The following RBFOX1 variants were observed in gnomAD, a reference collection of about 807,000 sequenced individuals.
RBFOX1 encodes RNA binding fox-1 homolog 1, also known as RNA binding protein fox-1 homolog 1.
A neutral mutation model predicts 57.7 loss-of-function variants in RBFOX1; 8 were observed. The observed-to-expected ratio is 0.14, with a 90% CI of 0.08 to 0.25. The LOEUF is 0.25. Among genes scored for constraint, RBFOX1 ranks in the 10% least tolerant of loss-of-function variants. The pLI is 1.00. For synonymous variants in RBFOX1, 326 were observed against 222.4 expected (o/e 1.47, Z -4.15); for missense variants, 611 against 548.5 (o/e 1.11, Z -1.14).
intron 3 of RBFOX1, among the ~76,000 whole-genome samples, chr16:6,734,458 G>A (rs76899167): frequency 1.3e-5 from 2 of 152,190 alleles, no homozygotes; most frequent in Non-Finnish European, 2.9e-5. Context: ...TCATGATAAA[G>A]GTCATGGTAT....
intron 4 of RBFOX1, among the ~76,000 whole-genome samples, chr16:7,225,999 G>C (rs1034043025): frequency 2.0e-5 from 3 of 151,642 alleles, no homozygotes; most frequent in African/African-American, 7.3e-5. Flanking sequence ...TCTAAGGAAT[G>C]GGCCTTGCTG....
chr16:5,366,746 A>G (rs1165206357), intron 1 of RBFOX1: 1 of 325,788 alleles, frequency 3.1e-6, no homozygotes, highest in East Asian at 7.4e-5. Context: ...TTCCTGTAAC[A>G]GGTGATATCT....
chr16:6,614,545 C>T lies in RBFOX1; in HGVS notation c.-63-40058C>T, dbSNP rs560880345. Reference sequence around the variant, plus strand: ...CTGTAACTGAGTATCACAGACTGGACGACTTAGAACATCAGAAATGTCTTC... The same window carrying T: ...CTGTAACTGAGTATCACAGACTGGATGACTTAGAACATCAGAAATGTCTTC... On this transcript the variant is annotated intron_variant, in intron 2 of 15. Coordinates refer to ENST00000550418, the MANE Select transcript of RBFOX1 (RefSeq NM_018723.4). 4.6e-5 allele frequency among the ~76,000 whole-genome samples: 7 copies of T among 152,224 alleles called. No individual in the cohort carries two copies. In the South Asian group the frequency reaches 8.3e-4, roughly 18 times the overall value.
chr16:5,480,885 T>G (rs992795004), intron 2 of RBFOX1, among the ~76,000 whole-genome samples: 2 of 152,254 alleles, frequency 1.3e-5, no homozygotes, highest in African/African-American at 4.8e-5. Context: ...AAGCAATATT[T>G]CACTGAAACG....
At chr16:7,599,419 C>G (rs1056324745) in intron 9 of RBFOX1, among the ~76,000 whole-genome samples, 2 of 151,706 alleles carry the variant, frequency 1.3e-5, no homozygotes, top group Non-Finnish European at 2.9e-5. Flanking sequence ...AGTTATTGAT[C>G]AATTTTATGA....
At chr16:7,055,955 A>G (rs1024126625) in intron 4 of RBFOX1, among the ~76,000 whole-genome samples, 1 of 152,196 alleles carries the variant, frequency 6.6e-6, no homozygotes, top group African/African-American at 2.4e-5. Context: ...TTTCTCTGCC[A>G]ACATTGAATC....
At chr16:5,826,034 G>C (rs9673447) in intron 3 of RBFOX1, among the ~76,000 whole-genome samples, 2 of 4,348 alleles carry the variant, frequency 4.6e-4, no homozygotes, top group Admixed American at 3.0e-3. Context: ...ATAATATTCC[G>C]TAATATGAAT....
At chr16:7,449,109 A>T (rs763601107) in intron 4 of RBFOX1, among the ~76,000 whole-genome samples, 3 of 151,828 alleles carry the variant, frequency 2.0e-5, no homozygotes, top group Non-Finnish European at 4.4e-5. Flanking sequence ...TTGTATTTTT[A>T]GTAGAGACGG....
chr16:7,080,038 A>G (rs2058922464), intron 4 of RBFOX1, among the ~76,000 whole-genome samples: 1 of 74,862 alleles, frequency 1.3e-5, no homozygotes, highest in African/African-American at 3.3e-5. Flanking sequence ...ATATGTATAT[A>G]GATGTATATA....
intron 1 of RBFOX1, among the ~76,000 whole-genome samples, chr16:6,152,960 GT>G (rs1281459170): frequency 6.6e-6 from 1 of 151,664 alleles, no homozygotes. Flanking sequence ...TGCAATGTAG[GT>G]TCTGGATCTA....
intron 4 of RBFOX1, among the ~76,000 whole-genome samples, chr16:7,420,027 A>G (rs1481787709): frequency 6.6e-6 from 1 of 150,662 alleles, no homozygotes; most frequent in Non-Finnish European, 1.5e-5. Context: ...CATTAGTGAT[A>G]TATGTTGTCA....
At chr16:7,141,752 C>T (rs185632866) in intron 4 of RBFOX1, among the ~76,000 whole-genome samples, 4 of 152,100 alleles carry the variant, frequency 2.6e-5, no homozygotes, top group African/African-American at 9.6e-5. Flanking sequence ...AGTTCTAATC[C>T]ATCTTTCCTA....
chr16:6,640,303 T>C (rs2098476547), intron 2 of RBFOX1, among the ~76,000 whole-genome samples: 1 of 152,134 alleles, frequency 6.6e-6, no homozygotes, highest in African/African-American at 2.4e-5. Flanking sequence ...TTTTAATTTT[T>C]TGTTAATTTA....
chr16:7,095,361 C>T (rs541286533), intron 4 of RBFOX1, among the ~76,000 whole-genome samples: 1 of 152,200 alleles, frequency 6.6e-6, no homozygotes, highest in South Asian at 2.1e-4. Flanking sequence ...TGGTCTCGAA[C>T]TCCTGACCTC....
chr16:6,860,991 G>C (rs1387094664), intron 3 of RBFOX1, among the ~76,000 whole-genome samples: 1 of 152,192 alleles, frequency 6.6e-6, no homozygotes, highest in Non-Finnish European at 1.5e-5. Flanking sequence ...ATGTGGGAAT[G>C]ATACACAGTA....
At chr16:7,612,267 G>C (rs534028498) in intron 10 of RBFOX1, among the ~76,000 whole-genome samples, 5 of 135,084 alleles carry the variant, frequency 3.7e-5, no homozygotes, top group African/African-American at 1.4e-4. Context: ...CTTGCAGTGA[G>C]CCCAGATCGC....
At chr16:6,181,387 A>G (rs2097061169) in intron 1 of RBFOX1, among the ~76,000 whole-genome samples, 1 of 152,154 alleles carries the variant, frequency 6.6e-6, no homozygotes, top group Admixed American at 6.5e-5. Flanking sequence ...ATTTTTGGTG[A>G]ATACTTGTTA....
At chr16:6,036,695 C>T (rs1443957416) in intron 1 of RBFOX1, among the ~76,000 whole-genome samples, 3 of 152,162 alleles carry the variant, frequency 2.0e-5, no homozygotes, top group Admixed American at 6.5e-5. Context: ...AAATACAACA[C>T]GTCTCCTATT....
chr16:7,664,726 G>C (rs1246134415), intron 12 of RBFOX1: 1 of 818,564 alleles, frequency 1.2e-6, no homozygotes. Context: ...CCTAATTCTG[G>C]GCCAACACCA....
Sources: gnomAD v4.1 joint callset for allele counts (sites outside exome capture counted in the v4.1 genomes callset) on GRCh38, gnomAD v4.1.1 for gene constraint, MANE v1.5 for transcripts, NCBI Gene and HGNC (gene_info 2026-07-23, HGNC 2026-07-21) for gene names.